The following ZBTB8A variants were observed in gnomAD, a reference collection of about 807,000 sequenced individuals.
ZBTB8A encodes the protein zinc finger and BTB domain containing 8A, also known as zinc finger and BTB domain-containing protein 8A.
A neutral mutation model predicts 37.8 loss-of-function variants in ZBTB8A; 19 were observed. The ratio of observed to expected loss-of-function variants is 0.50; its 90% CI spans 0.35 to 0.74. The LOEUF is 0.74. Among genes scored for constraint, ZBTB8A ranks in the 30% least tolerant of loss-of-function variants. The pLI, the probability that ZBTB8A is intolerant of heterozygous loss-of-function variation, is 0.01. For synonymous variants in ZBTB8A, 181 were observed against 185.2 expected (o/e 0.98, Z 0.19); for missense variants, 394 against 537.8 (o/e 0.73, Z 2.65).
At chr1:32,566,667 G>A (rs1429666061) in intron 2 of ZBTB8A, among the ~76,000 whole-genome samples, 3 of 152,054 alleles carry the variant, frequency 2.0e-5, no homozygotes, top group Non-Finnish European at 4.4e-5. Context: ...AATAGCTATT[G>A]AGCCATAGTG....
At chr1:32,567,825 A>AAGAAC (rs1553178098) in intron 2 of ZBTB8A, among the ~76,000 whole-genome samples, 1 of 63,676 alleles carries the variant, frequency 1.6e-5, no homozygotes, top group Admixed American at 2.4e-4. Flanking sequence ...AAAAAAAAAC[A>AAGAAC]AAAACAAAAC....
chr1:32,586,636 C>A lies in ZBTB8A; in HGVS notation c.-1-6295C>A, dbSNP rs1454952866. Among the ~76,000 whole-genome samples, 3 of 151,900 alleles carry A rather than the reference C, an allele frequency of 2.0e-5. No individual in the cohort carries two copies. The East Asian group carries it at 5.8e-4, about 29-fold the overall frequency. On this transcript the variant is annotated intron_variant, in intron 2 of 4. Transcript: ENST00000373510. ...TCTGTTTATCTGGGGGAAGAATGTT[C>A]CAAGTAGAGAGACTGGCAAGTACAA...
chr1:32,564,845 G>C (rs1644267342), intron 2 of ZBTB8A, among the ~76,000 whole-genome samples: 1 of 152,094 alleles, frequency 6.6e-6, no homozygotes, highest in South Asian at 2.1e-4. Context: ...GTTTAAAAGT[G>C]TTGAAGTTGG....
At chr1:32,586,708 G>A (rs939513639) in intron 2 of ZBTB8A, among the ~76,000 whole-genome samples, 1 of 152,068 alleles carries the variant, frequency 6.6e-6, no homozygotes, top group African/African-American at 2.4e-5. Context: ...AACAAGCAGA[G>A]GTCCTGGTAG....
intron 4 of ZBTB8A, among the ~76,000 whole-genome samples, chr1:32,599,284 G>T (rs754075072): frequency 6.6e-6 from 1 of 151,388 alleles, no homozygotes; most frequent in Non-Finnish European, 1.5e-5. Flanking sequence ...AATTAGCCAG[G>T]TGTGGTGGCA....
At chr1:32,584,508 C>CTTTTTTTTTTTTTTTTTTTT (rs1177778440) in intron 2 of ZBTB8A, among the ~76,000 whole-genome samples, 55 of 117,852 alleles carry the variant, frequency 4.7e-4, no homozygotes, top group South Asian at 5.7e-4. Flanking sequence ...TTCTTTCTTT[C>CTTTTTTTTTTTTTTTTTTTT]TTTTTTTTTT....
intron 2 of ZBTB8A, among the ~76,000 whole-genome samples, chr1:32,558,049 A>G (rs1644216127): frequency 1.3e-5 from 2 of 152,224 alleles, no homozygotes; most frequent in African/African-American, 2.4e-5. Flanking sequence ...TTTCTTGTAT[A>G]TATGGTATAT....
intron 1 of ZBTB8A, among the ~76,000 whole-genome samples, chr1:32,551,582 G>A (rs935457844): frequency 1.1e-4 from 17 of 152,188 alleles, no homozygotes; most frequent in Middle Eastern, 3.4e-3. Flanking sequence ...GTGTGGTGGT[G>A]CATACCTGTA....
chr1:32,563,724 C>G (rs1432989369), intron 2 of ZBTB8A, among the ~76,000 whole-genome samples: 1 of 152,134 alleles, frequency 6.6e-6, no homozygotes, highest in Non-Finnish European at 1.5e-5. Context: ...CTGCCCACCT[C>G]AGCCTCCCAA....
chr1:32,566,434 A>T (rs922802237), intron 2 of ZBTB8A, among the ~76,000 whole-genome samples: 4 of 151,800 alleles, frequency 2.6e-5, no homozygotes, highest in African/African-American at 9.7e-5. Flanking sequence ...CTAAGGTGGG[A>T]GGGTCACCTG....
At chr1:32,568,487 C>T (rs1319774462) in intron 2 of ZBTB8A, among the ~76,000 whole-genome samples, 3 of 151,780 alleles carry the variant, frequency 2.0e-5, no homozygotes, top group African/African-American at 2.4e-5. Context: ...GCCGGGTTCA[C>T]GCCATTCTCC....
At chr1:32,544,614 T>C (rs1644087804) in intron 1 of ZBTB8A, among the ~76,000 whole-genome samples, 1 of 152,230 alleles carries the variant, frequency 6.6e-6, no homozygotes, top group South Asian at 2.1e-4. Context: ...GGAGAACTGC[T>C]TTAACCCAGG....
intron 1 of ZBTB8A, among the ~76,000 whole-genome samples, chr1:32,541,286 A>G (rs1298660094): frequency 1.3e-5 from 2 of 151,928 alleles, no homozygotes; most frequent in African/African-American, 4.8e-5. Context: ...ACCATGTCCT[A>G]CTTCTCTCAT....
intron 2 of ZBTB8A, among the ~76,000 whole-genome samples, chr1:32,565,931 G>A (rs185434424): frequency 3.0e-4 from 45 of 152,214 alleles, no homozygotes; most frequent in African/African-American, 8.7e-4. Context: ...GCCGGGCACC[G>A]TGGCTCACGC....
chr1:32,539,708 C>CATTTG (rs1644032825), intron 1 of ZBTB8A, 136 bp downstream of exon 1: 1 of 147,314 alleles, frequency 6.8e-6, no homozygotes, highest in Non-Finnish European at 1.5e-5. Context: ...CGCGCCTCCC[C>CATTTG]CAGACGTCCC....
At chr1:32,592,801 C>A in intron 2 of ZBTB8A, 130 bp from the exon 3 acceptor site, 1 of 743,270 alleles carries the variant, frequency 1.3e-6, no homozygotes, top group Non-Finnish European at 2.1e-6. Context: ...AGCCACTGTG[C>A]CCAGCCACAG....
In ZBTB8A at chr1:32,595,061, G is replaced by T; in HGVS notation, c.831G>T (p.Leu277=). 6.2e-7 allele frequency: 1 copy of T among 1,613,482 alleles called. No individual in the cohort carries two copies. The highest frequency in any genetic ancestry group is 8.5e-7 in the Non-Finnish European group (1 of 1,179,792). The change falls in exon 4 of 5, where the codon CTG becomes CTT. Residue 277 remains leucine, a synonymous_variant. Transcript: ENST00000373510. ...CAAAGCGTCTCTTGACAGATGATCT[G>T]CCTCGGATGCGATTCAAGTGCCCGT... ...DVTSKSFPDD[L]PRMRFKCPYC...
intron 2 of ZBTB8A, among the ~76,000 whole-genome samples, chr1:32,576,425 G>A (rs1644359322): frequency 6.6e-6 from 1 of 152,000 alleles, no homozygotes; most frequent in African/African-American, 2.4e-5. Flanking sequence ...TTTCACTAAA[G>A]CTCCGTTCAT....
intron 2 of ZBTB8A, among the ~76,000 whole-genome samples, chr1:32,567,968 C>T (rs1210272133): frequency 2.0e-5 from 3 of 151,536 alleles, no homozygotes; most frequent in Non-Finnish European, 2.9e-5. Flanking sequence ...GGTGAAACCC[C>T]GTCTCTACTA....
Sources: allele counts gnomAD v4.1 joint callset (sites outside exome capture counted in the v4.1 genomes callset), GRCh38; gene constraint gnomAD v4.1.1; transcripts MANE v1.5; gene names NCBI Gene and HGNC (gene_info 2026-07-23, HGNC 2026-07-21).